USP35: variants seen among roughly 807,000 people sequenced by gnomAD.
USP35 encodes the protein ubiquitin specific peptidase 35.
USP35 carries 69 observed loss-of-function variants against 83.8 expected under a neutral mutation model. That is an observed-to-expected ratio of 0.82 (90% CI 0.68 to 1.01). The LOEUF is 1.01. Among genes scored for constraint, USP35 ranks in the 50% least tolerant of loss-of-function variants. USP35 has a pLI of 0.00. For synonymous variants in USP35, 714 were observed against 589.5 expected (o/e 1.21, Z -3.06); for missense variants, 1,503 against 1,362.5 (o/e 1.10, Z -1.62).
In USP35 at chr11:78,215,065, C is replaced by T. The variant is rs1191788296; in HGVS notation, c.*1252C>T. Among the ~76,000 whole-genome samples, 1 of 152,070 alleles carries T rather than the reference C, an allele frequency of 6.6e-6. No individual in the cohort carries two copies. Among genetic ancestry groups the T allele is most frequent in the African/African-American group, 2.4e-5 (1 of 41,380 alleles). On this transcript the variant is annotated 3_prime_UTR_variant, in exon 11 of 11. Transcript: ENST00000529308. ...ACATCTAAGTGACCTGTGAAAGCAG[C>T]AGACAGACACGCCCAGAACCCATCT...
At position 78,205,462 on chromosome 11, in the gene USP35, A is replaced by G. The variant is rs570787476; in HGVS notation, c.1198-380A>G. Among the ~76,000 whole-genome samples the G allele has an allele frequency of 3.3e-5, 5 of 152,346 alleles. No homozygotes were observed. In the South Asian group the frequency reaches 8.3e-4, roughly 25 times the overall value. On this transcript the variant is annotated intron_variant, in intron 6 of 10. Coordinates refer to ENST00000529308, the MANE Select transcript of USP35 (RefSeq NM_020798.4). ...TTGGGGCTGGCACTGACATCCTGAC[A>G]TTACTGGATTTGGCCTGTGGGCCAG...
intron 7 of USP35, 164 bp from the exon 8 acceptor site, chr11:78,207,366 T>G: frequency 3.1e-6 from 2 of 642,470 alleles, no homozygotes. Context: ...GGCTGAGTTG[T>G]TCACCTGCTC....
chr11:78,213,088 C>T (rs1355519906), intron 10 of USP35, among the ~76,000 whole-genome samples: 3 of 152,202 alleles, frequency 2.0e-5, no homozygotes, highest in South Asian at 2.1e-4. Context: ...GTGGGGACAC[C>T]AGACCGGGTG....
Position 78,215,162 on chromosome 11 carries a change from G to A in USP35, c.*1349G>A, listed in dbSNP as rs181399996. The A allele has an allele frequency of 2.6e-5, 4 of 152,602 alleles. No homozygotes were observed. In the East Asian group the frequency reaches 7.7e-4, roughly 29 times the overall value. 9.5% of individuals were successfully genotyped at this position (152,602 alleles called of 1,614,324 possible). ...ACTTTACAACAGACGCTGAGGTAGA[G>A]AGCATTTGTTCTTATTCACAGCCAA... On this transcript the variant is annotated 3_prime_UTR_variant, in exon 11 of 11. Transcript: ENST00000529308.
rs926307228 is a variant in USP35, at chr11:78,209,584, C to T, written c.1729C>T (p.Arg577Trp). ...EKMFGGKIVT[R>W]ICCLCCLNVS... Reference sequence around the variant, plus strand: ...AATGTTTGGAGGCAAGATAGTGACTCGGATCTGCTGTCTCTGCTGCCTCAA... The same window carrying T: ...AATGTTTGGAGGCAAGATAGTGACTTGGATCTGCTGTCTCTGCTGCCTCAA... The change falls in exon 10 of 11, where the codon CGG (arginine) becomes TGG (tryptophan). Residue 577 changes from arginine to tryptophan, a missense_variant. Arg to Trp is a moderately radical substitution (Grantham distance 101). Coordinates refer to ENST00000529308, the MANE Select transcript of USP35 (RefSeq NM_020798.4). 3.2e-5 allele frequency: 51 copies of T among 1,614,020 alleles called. No homozygotes were observed. The highest frequency in any genetic ancestry group is 4.0e-5 in the African/African-American group (3 of 74,912).
Position 78,210,560 on chromosome 11 carries a change from C to A in USP35, c.2705C>A (p.Ser902Tyr). The change falls in exon 10 of 11, where the codon TCC becomes TAC. Residue 902 changes from serine (S) to tyrosine (Y), a missense_variant. Coordinates refer to ENST00000529308, the MANE Select transcript of USP35 (RefSeq NM_020798.4). ...AATGACACTCGGGTGTCCTTCTCTT[C>A]CTTCGAATCTGTCAGCAACGTCACC... ...LFNDTRVSFS[S>Y]FESVSNVTSF... 3 of 1,613,110 alleles carry A rather than the reference C, an allele frequency of 1.9e-6. No individual in the cohort carries two copies. The highest frequency in any genetic ancestry group is 1.7e-5 in the Admixed American group (1 of 60,012).
chr11:78,197,851 T>A (rs1863201427), intron 2 of USP35, 85 bp from the exon 3 acceptor site: 3 of 1,516,838 alleles, frequency 2.0e-6, no homozygotes, highest in South Asian at 2.6e-5. Flanking sequence ...CCCAGCCCGG[T>A]TCGTTGGCTC....
chr11:78,198,739 TC>T, intron 3 of USP35: 1 of 976,598 alleles, frequency 1.0e-6, no homozygotes, highest in Non-Finnish European at 1.2e-6. Context: ...AGAGGTCAAA[TC>T]CCGCCTCTAC....
chr11:78,210,973 T>C lies in USP35; in HGVS notation c.2889+229T>C, dbSNP rs572513986. On this transcript the variant is annotated intron_variant, in intron 10 of 10. Coordinates refer to ENST00000529308, the MANE Select transcript of USP35 (RefSeq NM_020798.4). Reference sequence around the variant, plus strand: ...TTTATTTTTTAAGTTCCAGGGTACATGTGTAGAATGTGCAGATTTGTTACT... The same window carrying C: ...TTTATTTTTTAAGTTCCAGGGTACACGTGTAGAATGTGCAGATTTGTTACT... 1.6e-4 allele frequency among the ~76,000 whole-genome samples: 25 copies of C among 152,314 alleles called. 1 individual carries two copies. The highest frequency in any genetic ancestry group is 1.2e-3 in the Admixed American group (18 of 15,304).
the USP35 span, among the ~76,000 whole-genome samples, chr11:78,224,685 C>G: frequency 6.6e-6 from 1 of 152,128 alleles, no homozygotes; most frequent in Non-Finnish European, 1.5e-5. Flanking sequence ...AGAGGGCAGC[C>G]TGGGATCCTG....
At chr11:78,198,219 C>A in intron 3 of USP35, 151 bp downstream of exon 3, 1 of 1,299,760 alleles carries the variant, frequency 7.7e-7, no homozygotes, top group Non-Finnish European at 1.1e-6. Flanking sequence ...CTTTCTTGAG[C>A]CCTGCTCTGT....
At chr11:78,226,620 G>GGGCCC in the USP35 span, 1 of 1,500,578 alleles carries the variant, frequency 6.7e-7, no homozygotes, top group Non-Finnish European at 9.3e-7. Context: ...GCGGGGTGGG[G>GGGCCC]GAGCTATGGC....
intron 4 of USP35, 123 bp from the exon 5 acceptor site, chr11:78,200,010 A>G: frequency 9.3e-7 from 1 of 1,072,570 alleles, no homozygotes; most frequent in South Asian, 1.3e-5. Context: ...TGAGCACCTC[A>G]GTGTTGATCC....
chr11:78,236,564 C>T, the USP35 span, among the ~76,000 whole-genome samples: 2 of 152,120 alleles, frequency 1.3e-5, no homozygotes, highest in Admixed American at 6.5e-5. Flanking sequence ...GCATTATGTT[C>T]AATATTTCTC....
At chr11:78,210,773 G>T in intron 10 of USP35, 29 bp downstream of exon 10, 1 of 1,504,820 alleles carries the variant, frequency 6.6e-7, no homozygotes. Flanking sequence ...CCTTTGATCT[G>T]ATCTCTTGGT....
the USP35 span, chr11:78,221,667 A>G: frequency 3.8e-6 from 6 of 1,578,056 alleles, no homozygotes. Context: ...GCGAAGCCCG[A>G]AGGACTCACC....
chr11:78,192,122 C>T (rs1188878967), intron 1 of USP35, among the ~76,000 whole-genome samples: 1 of 152,302 alleles, frequency 6.6e-6, no homozygotes, highest in Non-Finnish European at 1.5e-5. Flanking sequence ...CCCCATTTTC[C>T]AGATGAGAAG....
At chr11:78,200,937 TC>T in intron 6 of USP35, 129 bp downstream of exon 6, 2 of 1,312,480 alleles carry the variant, frequency 1.5e-6, no homozygotes, top group Non-Finnish European at 2.0e-6. Flanking sequence ...TCCCATCACC[TC>T]CCCAGGTCCA....
At chr11:78,233,051 T>G in the USP35 span, among the ~76,000 whole-genome samples, 2 of 151,196 alleles carry the variant, frequency 1.3e-5, no homozygotes, top group Admixed American at 6.6e-5. Context: ...TTTTTTTTTT[T>G]TTTTTGGTGA....
Sources: gnomAD v4.1 joint callset for allele counts (sites outside exome capture counted in the v4.1 genomes callset) on GRCh38, gnomAD v4.1.1 for gene constraint, MANE v1.5 for transcripts, NCBI Gene and HGNC (gene_info 2026-07-23, HGNC 2026-07-21) for gene names.